The following SYTL5 variants were observed in gnomAD, a reference collection of about 807,000 sequenced individuals.
SYTL5 encodes synaptotagmin-like protein 5.
A neutral mutation model predicts 55.9 loss-of-function variants in SYTL5; 34 were observed. The ratio of observed to expected loss-of-function variants is 0.61; its 90% CI spans 0.46 to 0.81. SYTL5 has a LOEUF of 0.81. Ranked by LOEUF, SYTL5 falls within the 30% of genes least tolerant of loss-of-function variation. The pLI is 0.00. For synonymous variants in SYTL5, 221 were observed against 188.7 expected (o/e 1.17, Z -1.40); for missense variants, 637 against 546.7 (o/e 1.17, Z -1.65).
At chrX:38,119,653 G>C (rs1937547974) in intron 13 of SYTL5, among the ~76,000 whole-genome samples, 1 of 112,119 alleles carries the variant, frequency 8.9e-6, no homozygotes, top group Admixed American at 9.5e-5. Flanking sequence ...TCCTATACAA[G>C]TTTTGTGTGG....
chrX:38,054,487 C>T (rs1435324099), intron 3 of SYTL5, 65 bp downstream of exon 3: 9 of 1,028,530 alleles, frequency 8.8e-6, no homozygotes, highest in Non-Finnish European at 1.1e-5. Context: ...GTGGGGAAGG[C>T]AAAAGAGAAA....
intron 1 of SYTL5, among the ~76,000 whole-genome samples, chrX:38,030,138 T>C (rs765536202): frequency 9.0e-6 from 1 of 111,273 alleles, no homozygotes; most frequent in South Asian, 3.8e-4. Context: ...AGCATACTTC[T>C]CTGATCTAAA....
chrX:38,105,487 G>A (rs970962451), intron 10 of SYTL5, among the ~76,000 whole-genome samples: 36 of 112,486 alleles, frequency 3.2e-4, no homozygotes, highest in African/African-American at 1.1e-3. Context: ...AGGTAGATAA[G>A]AGACAAATGG....
chrX:38,101,742 A>G (rs1450452309), intron 9 of SYTL5, among the ~76,000 whole-genome samples: 1 of 109,396 alleles, frequency 9.1e-6, no homozygotes, highest in African/African-American at 3.3e-5. Context: ...TATGTTAATG[A>G]GAGACCTAAG....
the SYTL5 span, among the ~76,000 whole-genome samples, chrX:37,931,452 AAT>A: frequency 8.9e-6 from 1 of 111,775 alleles, no homozygotes; most frequent in Non-Finnish European, 1.9e-5. Context: ...ACTCTTCTGA[AAT>A]GTTAGCCCTT....
chrX:38,075,117 G>A (rs73467416), intron 5 of SYTL5, among the ~76,000 whole-genome samples: 247 of 111,512 alleles, frequency 2.2e-3, no homozygotes, highest in African/African-American at 7.8e-3. Context: ...AGGCATCATA[G>A]AGTAGGTTAC....
At chrX:37,946,197 C>T in the SYTL5 span, 1 of 115,648 alleles carries the variant, frequency 8.6e-6, no homozygotes, top group African/African-American at 3.2e-5. Flanking sequence ...TCTTTAATCA[C>T]TTTTGTATCC....
At chrX:38,067,018 G>C (rs1038250631) in intron 3 of SYTL5, among the ~76,000 whole-genome samples, 1 of 111,565 alleles carries the variant, frequency 9.0e-6, no homozygotes, top group African/African-American at 3.3e-5. Flanking sequence ...TTAGTTTCCT[G>C]TTCTACCAAG....
At chrX:37,998,593 C>T in the SYTL5 span, among the ~76,000 whole-genome samples, 4 of 111,970 alleles carry the variant, frequency 3.6e-5, no homozygotes, top group Non-Finnish European at 7.5e-5. Context: ...CTTCCTCACA[C>T]ACCCCTTGCC....
chrX:38,068,450 A>T (rs1316105788), intron 3 of SYTL5, among the ~76,000 whole-genome samples: 1 of 112,272 alleles, frequency 8.9e-6, no homozygotes, highest in African/African-American at 3.2e-5. Context: ...AGGAGAAAAA[A>T]GTCATTGTAC....
At chrX:38,106,443 G>A (rs1937211888) in intron 10 of SYTL5, 150 bp from the exon 11 acceptor site, 5 of 476,696 alleles carry the variant, frequency 1.0e-5, no homozygotes, top group South Asian at 8.3e-5. Flanking sequence ...TACAACACCA[G>A]CCAAACAAGT....
intron 15 of SYTL5, 127 bp from the exon 16 acceptor site, chrX:38,125,171 T>C: frequency 1.8e-6 from 1 of 540,570 alleles, no homozygotes; most frequent in African/African-American, 2.3e-5. Flanking sequence ...CAGTTCACTA[T>C]ATAAATCCAG....
At chrX:37,907,939 C>G in the SYTL5 span, among the ~76,000 whole-genome samples, 1 of 110,108 alleles carries the variant, frequency 9.1e-6, no homozygotes, top group East Asian at 2.8e-4. Flanking sequence ...GAAAAGCCAA[C>G]TAAACATGGC....
intron 1 of SYTL5, among the ~76,000 whole-genome samples, chrX:38,012,737 C>A: frequency 9.0e-6 from 1 of 111,459 alleles, no homozygotes; most frequent in East Asian, 2.8e-4. Flanking sequence ...ACATTAAAAT[C>A]AGTATATGAT....
At chrX:38,041,465 T>C (rs1314827518) in intron 2 of SYTL5, among the ~76,000 whole-genome samples, 1 of 111,858 alleles carries the variant, frequency 8.9e-6, no homozygotes, top group Admixed American at 9.5e-5. Flanking sequence ...GGTAAACACT[T>C]TGGTTTAATC....
intron 3 of SYTL5, 90 bp from the exon 4 acceptor site, chrX:38,071,957 T>C (rs1180814560): frequency 1.8e-6 from 1 of 557,930 alleles, no homozygotes; most frequent in Non-Finnish European, 3.0e-6. Context: ...TATAAATAAT[T>C]TGCTGTTTTC....
In SYTL5 at chrX:38,126,765, C is replaced by A. The variant is rs1253009760; in HGVS notation, c.*35C>A. 4.3e-6 allele frequency: 5 copies of A among 1,171,516 alleles called. No individual in the cohort carries two copies. The highest frequency in any genetic ancestry group is 5.7e-6 in the Non-Finnish European group (5 of 873,676). ...TTCTCCAAGAATGAGGCCACCAGGA[C>A]CTATCTGGCTGTCTTTTCCTACCAT... On this transcript the variant is annotated 3_prime_UTR_variant, in exon 17 of 17. Coordinates refer to ENST00000297875, the MANE Select transcript of SYTL5 (RefSeq NM_138780.3).
chrX:37,975,900 T>C, the SYTL5 span, among the ~76,000 whole-genome samples: 4 of 111,398 alleles, frequency 3.6e-5, no homozygotes, highest in Non-Finnish European at 3.8e-5. Flanking sequence ...TATAAGGTCA[T>C]GAAACTAAAT....
At chrX:38,045,079 G>A (rs770368369) in intron 2 of SYTL5, among the ~76,000 whole-genome samples, 2 of 111,833 alleles carry the variant, frequency 1.8e-5, no homozygotes, top group Non-Finnish European at 3.8e-5. Context: ...GTGTGCAAGT[G>A]ATTTATTAAA....
Sources: allele counts gnomAD v4.1 joint callset (sites outside exome capture counted in the v4.1 genomes callset), GRCh38; gene constraint gnomAD v4.1.1; transcripts MANE v1.5; gene names NCBI Gene and HGNC (gene_info 2026-07-23, HGNC 2026-07-21).